The following GPC5 variants were observed in gnomAD, a reference collection of about 807,000 sequenced individuals.
The protein encoded by GPC5 is glypican 5, also known as glypican-5.
A neutral mutation model predicts 53.9 loss-of-function variants in GPC5; 47 were observed. The ratio of observed to expected loss-of-function variants is 0.87; its 90% confidence interval spans 0.69 to 1.11. The LOEUF (loss-of-function observed/expected upper bound fraction) is 1.11. Ranked by LOEUF, GPC5 falls within the 50% of genes most tolerant of loss-of-function variation. GPC5 has a pLI of 0.00. For synonymous variants in GPC5, 286 were observed against 263.3 expected, an observed-to-expected ratio of 1.09 and a Z score of -0.84; for missense variants, 748 against 713.1, an observed-to-expected ratio of 1.05 and a Z score of -0.56.
chr13:91,814,646 T>G (rs2038372283), intron 5 of GPC5, among the ~76,000 whole-genome samples: 1 of 152,090 alleles, frequency 6.6e-6, no homozygotes, highest in Non-Finnish European at 1.5e-5. Flanking sequence ...GTTCAAGCGA[T>G]TCTTCTGTCT....
intron 6 of GPC5, among the ~76,000 whole-genome samples, chr13:92,142,783 T>C (rs1031804489): frequency 6.6e-5 from 10 of 152,166 alleles, no homozygotes; most frequent in Non-Finnish European, 1.2e-4. Flanking sequence ...GGAATAATTC[T>C]TAGGGAAGTA....
intron 5 of GPC5, among the ~76,000 whole-genome samples, chr13:91,851,304 A>G (rs1179280789): frequency 6.6e-6 from 1 of 152,118 alleles, no homozygotes; most frequent in Non-Finnish European, 1.5e-5. Context: ...TACAGTAAAA[A>G]TAAAATCTAA....
intron 2 of GPC5, among the ~76,000 whole-genome samples, chr13:91,660,447 A>G (rs1187511522): frequency 1.3e-5 from 2 of 152,180 alleles, no homozygotes; most frequent in Non-Finnish European, 2.9e-5. Flanking sequence ...GCAGATCCTC[A>G]CCCAGTGAAG....
At chr13:91,981,292 CTT>C (rs77671844) in intron 6 of GPC5, among the ~76,000 whole-genome samples, 13,146 of 142,334 alleles carry the variant, frequency 0.092, 1,915 homozygotes, top group African/African-American at 0.31. Flanking sequence ...GAGTTCTTAC[CTT>C]TTTTTTTTTT....
chr13:92,703,519 C>A (rs1466469774), intron 7 of GPC5, among the ~76,000 whole-genome samples: 2 of 150,460 alleles, frequency 1.3e-5, no homozygotes, highest in Non-Finnish European at 3.0e-5. Context: ...ATCTGTAAAC[C>A]ATTTATTTTA....
At chr13:92,095,008 A>T (rs2041411073) in intron 6 of GPC5, among the ~76,000 whole-genome samples, 1 of 152,086 alleles carries the variant, frequency 6.6e-6, no homozygotes, top group Non-Finnish European at 1.5e-5. Context: ...AAGACTTTTG[A>T]CCCAAAATAT....
chr13:91,602,212 A>G (rs1009409333), intron 2 of GPC5, among the ~76,000 whole-genome samples: 3 of 152,242 alleles, frequency 2.0e-5, no homozygotes, highest in Non-Finnish European at 4.4e-5. Context: ...TGACACAGAT[A>G]CAGTGGAATC....
At chr13:92,496,366 G>A (rs964787653) in intron 7 of GPC5, among the ~76,000 whole-genome samples, 7 of 152,190 alleles carry the variant, frequency 4.6e-5, no homozygotes, top group South Asian at 2.1e-4. Flanking sequence ...CAATTTACTC[G>A]ATGTTTCCAA....
chr13:91,801,529 G>A (rs561523785), intron 5 of GPC5, among the ~76,000 whole-genome samples: 5 of 152,088 alleles, frequency 3.3e-5, no homozygotes, highest in African/African-American at 9.6e-5. Context: ...TTGAAGTTAC[G>A]GATTGGACCA....
intron 2 of GPC5, among the ~76,000 whole-genome samples, chr13:91,629,637 A>T (rs1296407578): frequency 1.3e-5 from 2 of 152,082 alleles, no homozygotes; most frequent in Admixed American, 6.5e-5. Flanking sequence ...GAGCAAAACT[A>T]CATCTCAAAA....
At chr13:92,527,203 A>AAGAAAGAAAGAAAGAAAGAAAGAAAG (rs1566276973) in intron 7 of GPC5, among the ~76,000 whole-genome samples, 3 of 29,022 alleles carry the variant, frequency 1.0e-4, no homozygotes, top group Non-Finnish European at 5.3e-5. Flanking sequence ...GAAAGAAAGA[A>AAGAAAGAAAGAAAGAAAGAAAGAAAG]AGAAAGAAAG....
intron 7 of GPC5, among the ~76,000 whole-genome samples, chr13:92,487,783 T>C (rs1174079311): frequency 1.3e-5 from 2 of 151,534 alleles, no homozygotes. Flanking sequence ...CTCTATACTT[T>C]GATGCTTTTC....
At chr13:91,674,229 T>A (rs1175610783) in intron 2 of GPC5, among the ~76,000 whole-genome samples, 2 of 152,090 alleles carry the variant, frequency 1.3e-5, no homozygotes, top group Admixed American at 1.3e-4. Flanking sequence ...TCTGGGTGTG[T>A]CTTTGAAGGC....
intron 7 of GPC5, among the ~76,000 whole-genome samples, chr13:92,771,534 G>T (rs570307417): frequency 3.3e-5 from 5 of 151,986 alleles, no homozygotes; most frequent in African/African-American, 1.2e-4. Context: ...TAGTAGAGAT[G>T]GGGTTTCACC....
At chr13:91,538,284 T>C (rs1886679022) in intron 2 of GPC5, among the ~76,000 whole-genome samples, 1 of 152,170 alleles carries the variant, frequency 6.6e-6, no homozygotes, top group Non-Finnish European at 1.5e-5. Flanking sequence ...CTTCCAGGTT[T>C]TGATCCAGGG....
intron 5 of GPC5, among the ~76,000 whole-genome samples, chr13:91,830,793 TTA>T (rs3029825): frequency 0.32 from 42,438 of 131,132 alleles, 8,651 homozygotes; most frequent in East Asian, 0.64. Context: ...ATATATACTA[TTA>T]TATATATAAT....
intron 6 of GPC5, among the ~76,000 whole-genome samples, chr13:92,019,086 T>G (rs1385370926): frequency 1.3e-5 from 2 of 152,062 alleles, no homozygotes; most frequent in African/African-American, 4.8e-5. Context: ...TTAATTTTAC[T>G]AAAATATACA....
In GPC5 at chr13:91,971,784, G is replaced by T. The variant is rs561454941; in HGVS notation, c.1401+63727G>T. ...CATGTAGTTGAGCAGTTTTGAGTGA[G>T]TTTCTTAATCCTGAGTTCTAGTTTG... On this transcript the variant is annotated intron_variant, in intron 6 of 7. Transcript: ENST00000377067. Among the ~76,000 whole-genome samples, 61 of 152,352 alleles carry T rather than the reference G, an allele frequency of 4.0e-4. 1 individual carries two copies. In the South Asian group the frequency reaches 0.013, roughly 32 times the overall value.
chr13:91,708,512 G>A (rs1327864312), intron 3 of GPC5, among the ~76,000 whole-genome samples: 1 of 152,110 alleles, frequency 6.6e-6, no homozygotes, highest in Non-Finnish European at 1.5e-5. Flanking sequence ...AGTTGCCAGG[G>A]GCTAAGAGGT....
Sources: allele counts gnomAD v4.1 joint callset (sites outside exome capture counted in the v4.1 genomes callset), GRCh38; gene constraint gnomAD v4.1.1; transcripts MANE v1.5; gene names NCBI Gene and HGNC (gene_info 2026-07-23, HGNC 2026-07-21).